GTF2H3: variants seen among roughly 807,000 people sequenced by gnomAD.
GTF2H3 encodes the protein general transcription factor IIH subunit 3.
A neutral mutation model predicts 51.1 loss-of-function variants in GTF2H3; 42 were observed. That is an observed-to-expected ratio of 0.82 (90% confidence interval 0.64 to 1.06). The LOEUF is 1.06. Among genes scored for constraint, GTF2H3 ranks in the 50% least tolerant of loss-of-function variants. GTF2H3 has a pLI of 0.00. For missense variants in GTF2H3, 326 were observed against 366.1 expected, an observed-to-expected ratio of 0.89 and a Z score of 0.89; for synonymous variants, 123 against 123.8, an observed-to-expected ratio of 0.99 and a Z score of 0.04.
rs11573010 is a variant in GTF2H3, at chr12:123,660,449, T to C, written c.*214T>C. ...TTCTATGCATTATATCCTAAAATATTCTATGACTGGTTTCTGTCCATGTTT... is the reference window on the plus strand; with the variant it reads ...TTCTATGCATTATATCCTAAAATATCCTATGACTGGTTTCTGTCCATGTTT... On this transcript the variant is annotated 3_prime_UTR_variant, in exon 13 of 13. Transcript: ENST00000543341. The C allele has an allele frequency of 1.5e-4, 63 of 416,970 alleles. 1 individual carries two copies. In the South Asian group the frequency reaches 2.9e-3, roughly 19 times the overall value. 25.8% of individuals were successfully genotyped at this position (416,970 alleles called of 1,614,324 possible). A position where few individuals can be genotyped will look rare whatever the true frequency, so the allele number is the denominator to read the frequency against.
intron 9 of GTF2H3, among the ~76,000 whole-genome samples, chr12:123,658,173 C>CA (rs1955610212): frequency 2.0e-5 from 3 of 152,140 alleles, no homozygotes; most frequent in Admixed American, 2.0e-4. Context: ...TCTTCCCACT[C>CA]AGTCTCCCAA....
At position 123,639,284 on chromosome 12, in the gene GTF2H3, G is replaced by A; in HGVS notation, c.34G>A (p.Val12Ile). The stretch of plus-strand genomic sequence containing the variant: ...TTCAGAAGATGAATTGAATCTTCTG[G>A]TTATTGTAGTTGATGCCAACCCAAT... The part of the protein sequence containing the change: ...VSDEDELNLL[V>I]IVVDANPIWW... The change falls in exon 2 of 13, where the codon GTT becomes ATT. Residue 12 changes from valine (V) to isoleucine (I), a missense_variant. Val to Ile is a conservative substitution (Grantham distance 29). Coordinates refer to ENST00000543341, the MANE Select transcript of GTF2H3 (RefSeq NM_001516.5). 1.3e-6 allele frequency: 2 copies of A among 1,554,574 alleles called. No individual in the cohort carries two copies. The highest frequency in any genetic ancestry group is 1.8e-6 in the Non-Finnish European group (2 of 1,126,088).
intron 1 of GTF2H3, among the ~76,000 whole-genome samples, chr12:123,634,849 G>C (rs557478369): frequency 6.6e-6 from 1 of 152,376 alleles, no homozygotes; most frequent in South Asian, 2.1e-4. Context: ...GGCCGTGATA[G>C]AGAAGTTGGC....
chr12:123,649,387 G>A (rs2135790325), intron 4 of GTF2H3: 1 of 152,304 alleles, frequency 6.6e-6, no homozygotes, highest in South Asian at 2.1e-4. Flanking sequence ...TCTGGCCTTG[G>A]GCCATTAGAC....
At position 123,652,575 on chromosome 12, in the gene GTF2H3, T is replaced by G. The variant is rs1955532253; in HGVS notation, c.457+14T>G. On this transcript the variant is annotated intron_variant, in intron 6 of 12. Transcript: ENST00000543341. ...AGGAAGTTAAAGGTAAGAGCCTACG[T>G]TTTCCTATGAGAACTGTAATCCTAC... 6.6e-7 allele frequency: 1 copy of G among 1,506,404 alleles called. No homozygotes were observed. The allele number at this position is 1,506,404 out of a possible 1,614,324, so 93.3% of individuals were successfully genotyped here.
Position 123,647,939 on chromosome 12 carries a change from A to G in GTF2H3, c.201-24A>G, listed in dbSNP as rs567824997. ...CTGGGCGGTGAGGCCTGGTGTAACC[A>G]GGTTTTTTCCCCTGCTGTTTCAGCC... is the stretch of plus-strand genomic sequence containing the variant. On this transcript the variant is annotated intron_variant, in intron 3 of 12. Coordinates refer to ENST00000543341, the MANE Select transcript of GTF2H3 (RefSeq NM_001516.5). 1.9e-6 allele frequency: 3 copies of G among 1,601,800 alleles called. No homozygotes were observed. The Admixed American group carries it at 5.2e-5, about 28-fold the overall frequency.
At chr12:123,651,510 T>C (rs1955520217) in intron 5 of GTF2H3, among the ~76,000 whole-genome samples, 1 of 151,924 alleles carries the variant, frequency 6.6e-6, no homozygotes, top group South Asian at 2.1e-4. Context: ...TGGCTGGCTT[T>C]GAAATGTTTA....
At chr12:123,638,271 G>T (rs1191123369) in intron 1 of GTF2H3, among the ~76,000 whole-genome samples, 6 of 151,792 alleles carry the variant, frequency 4.0e-5, no homozygotes, top group African/African-American at 1.5e-4. Flanking sequence ...TGATTCTCCT[G>T]CCTCAGTCTC....
At chr12:123,645,988 A>G (rs182521093) in intron 3 of GTF2H3, among the ~76,000 whole-genome samples, 2 of 152,242 alleles carry the variant, frequency 1.3e-5, no homozygotes, top group East Asian at 3.9e-4. Context: ...GCTTTGAAAT[A>G]AGGATTTTTC....
At chr12:123,646,462 A>G (rs983035032) in intron 3 of GTF2H3, among the ~76,000 whole-genome samples, 4 of 152,056 alleles carry the variant, frequency 2.6e-5, no homozygotes, top group Admixed American at 1.3e-4. Flanking sequence ...GGGTCTCACT[A>G]TGTTGCCCAG....
chr12:123,637,770 T>C (rs1309247184), intron 1 of GTF2H3, among the ~76,000 whole-genome samples: 1 of 152,120 alleles, frequency 6.6e-6, no homozygotes, highest in African/African-American at 2.4e-5. Flanking sequence ...CCCAAAGGGC[T>C]GGGATGGGCG....
chr12:123,647,935 A>G, intron 3 of GTF2H3, 28 bp from the exon 4 acceptor site: 1 of 1,593,862 alleles, frequency 6.3e-7, no homozygotes, highest in Non-Finnish European at 8.6e-7. Flanking sequence ...GGCCTGGTGT[A>G]ACCAGGTTTT....
At chr12:123,655,257 C>T (rs1280396870) in intron 8 of GTF2H3, among the ~76,000 whole-genome samples, 1 of 152,132 alleles carries the variant, frequency 6.6e-6, no homozygotes, top group Non-Finnish European at 1.5e-5. Context: ...TTTAGCCCAT[C>T]CTTGGACCCC....
intron 4 of GTF2H3, 53 bp from the exon 5 acceptor site, chr12:123,650,941 T>C (rs1267733321): frequency 7.8e-6 from 9 of 1,151,594 alleles, no homozygotes; most frequent in Non-Finnish European, 1.2e-5. Context: ...CCAATGATTT[T>C]AGTTCAAGAA....
chr12:123,654,386 TTG>T (rs146314561), intron 7 of GTF2H3, among the ~76,000 whole-genome samples: 2 of 150,776 alleles, frequency 1.3e-5, no homozygotes, highest in Non-Finnish European at 3.0e-5. Flanking sequence ...TGTATTTTGG[TTG>T]TGTGTGTGTG....
chr12:123,651,087 T>G (rs750813241), intron 5 of GTF2H3, 31 bp downstream of exon 5: 6 of 1,508,278 alleles, frequency 4.0e-6, no homozygotes, highest in Non-Finnish European at 5.5e-6. Context: ...ATTTAGAAGG[T>G]GTCTTCTGTA....
At chr12:123,660,120 C>T (rs769914440) in intron 12 of GTF2H3, 38 bp downstream of exon 12, 7 of 1,607,220 alleles carry the variant, frequency 4.4e-6, no homozygotes, top group South Asian at 1.1e-5. Context: ...GCTAATACTT[C>T]ACAGCTCTAG....
chr12:123,647,857 C>A, intron 3 of GTF2H3, 106 bp from the exon 4 acceptor site: 1 of 636,552 alleles, frequency 1.6e-6, no homozygotes, highest in Non-Finnish European at 2.6e-6. Flanking sequence ...GTGAGTCCCA[C>A]ATTGTTGTAA....
intron 2 of GTF2H3, chr12:123,639,830 C>A: frequency 2.9e-6 from 1 of 343,988 alleles, no homozygotes; most frequent in Non-Finnish European, 6.1e-6. Flanking sequence ...TTGAAACTAT[C>A]AGTGCAATCT....
Sources: allele counts gnomAD v4.1 joint callset (sites outside exome capture counted in the v4.1 genomes callset), GRCh38; gene constraint gnomAD v4.1.1; transcripts MANE v1.5; gene names NCBI Gene and HGNC (gene_info 2026-07-23, HGNC 2026-07-21).